PAFAH2: variants seen among roughly 807,000 people sequenced by gnomAD.
PAFAH2 encodes platelet activating factor acetylhydrolase 2.
PAFAH2 carries 42 observed loss-of-function variants against 49.0 expected under a neutral mutation model. The ratio of observed to expected loss-of-function variants is 0.86; its 90% confidence interval spans 0.67 to 1.11. The LOEUF (loss-of-function observed/expected upper bound fraction) is 1.11, where lower values mean the gene tolerates loss of function less well. PAFAH2 is among the 50% of genes least tolerant of loss of function. PAFAH2 has a pLI of 0.00. For synonymous variants in PAFAH2, 184 were observed against 181.3 expected (o/e 1.01, Z -0.12); for missense variants, 503 against 501.8 (o/e 1.00, Z -0.02).
At chr1:25,968,239 G>A (rs981834080) in intron 10 of PAFAH2, among the ~76,000 whole-genome samples, 1 of 152,120 alleles carries the variant, frequency 6.6e-6, no homozygotes, top group Admixed American at 6.5e-5. Flanking sequence ...GCAGACAGAA[G>A]AGGATGGAAT....
intron 2 of PAFAH2, among the ~76,000 whole-genome samples, chr1:25,990,468 G>A (rs1213844380): frequency 1.3e-5 from 2 of 152,164 alleles, no homozygotes; most frequent in Non-Finnish European, 2.9e-5. Flanking sequence ...GGATCTGCGA[G>A]CTGCCTCTAA....
intron 10 of PAFAH2, among the ~76,000 whole-genome samples, chr1:25,963,918 CAGAG>C (rs2049380988): frequency 6.6e-6 from 1 of 152,114 alleles, no homozygotes. Context: ...ATGTTCTAGA[CAGAG>C]GGAGGAGCAG....
chr1:25,978,647 C>T (rs1454165212), intron 7 of PAFAH2, among the ~76,000 whole-genome samples: 1 of 152,186 alleles, frequency 6.6e-6, no homozygotes, highest in Non-Finnish European at 1.5e-5. Context: ...TTGTCTCATA[C>T]AAATCTCTAT....
At chr1:25,972,529 T>C (rs1291626528) in intron 10 of PAFAH2, 29 bp downstream of exon 10, 2 of 1,603,780 alleles carry the variant, frequency 1.2e-6, no homozygotes, top group Non-Finnish European at 1.7e-6. Context: ...ACCCCACAGC[T>C]GCCCCAAGAG....
intron 7 of PAFAH2, 38 bp from the exon 8 acceptor site, chr1:25,976,811 A>G (rs903964547): frequency 6.6e-7 from 1 of 1,524,670 alleles, no homozygotes; most frequent in Non-Finnish European, 9.1e-7. Context: ...TCAGAAACTC[A>G]GGACTGCTTC....
At chr1:25,986,596 C>G (rs774555333) in intron 4 of PAFAH2, among the ~76,000 whole-genome samples, 1 of 152,144 alleles carries the variant, frequency 6.6e-6, no homozygotes, top group Non-Finnish European at 1.5e-5. Flanking sequence ...ATGGCACAAT[C>G]TTGGCTCACT....
chr1:25,975,476 A>C (rs1023329810), intron 8 of PAFAH2, among the ~76,000 whole-genome samples: 2 of 152,026 alleles, frequency 1.3e-5, no homozygotes, highest in Non-Finnish European at 2.9e-5. Flanking sequence ...CAGCTATTTG[A>C]GAGGTTGAGG....
intron 7 of PAFAH2, among the ~76,000 whole-genome samples, chr1:25,981,009 C>T (rs939946191): frequency 4.6e-5 from 7 of 151,882 alleles, no homozygotes; most frequent in African/African-American, 1.7e-4. Flanking sequence ...TAAATAAAAA[C>T]AAATAATAAA....
chr1:25,963,574 G>T (rs2049373831), intron 10 of PAFAH2, among the ~76,000 whole-genome samples: 1 of 152,164 alleles, frequency 6.6e-6, no homozygotes, highest in African/African-American at 2.4e-5. Flanking sequence ...GTCAATCTCG[G>T]CTCAACGCAA....
rs1174481040 is a variant in PAFAH2 at position 25,961,293 on chromosome 1, A to G, written c.*696T>C. 1 of 152,002 alleles carries G rather than the reference A, an allele frequency of 6.6e-6. No individual in the cohort carries two copies. Among genetic ancestry groups the G allele is most frequent in the East Asian group, 1.9e-4 (1 of 5,180 alleles). 9.4% of individuals were successfully genotyped at this position (152,002 alleles called of 1,614,324 possible). On this transcript the variant is annotated 3_prime_UTR_variant, in exon 11 of 11. Transcript: ENST00000374282. The stretch of plus-strand genomic sequence containing the variant: ...CAAGATACACTTAGCAAAACCCCCA[A>G]AGACATCCAGAGCTTCTGAGGTACC...
At position 25,960,681 on chromosome 1, in the gene PAFAH2, C is replaced by T. The variant is rs2049325973; in HGVS notation, c.*1308G>A. 6.6e-6 allele frequency: 1 copy of T among 152,566 alleles called. No homozygotes were observed. The highest frequency in any genetic ancestry group is 1.5e-5 in the Non-Finnish European group (1 of 68,024). 9.5% of individuals were successfully genotyped at this position (152,566 alleles called of 1,614,324 possible). A position where few individuals can be genotyped will look rare whatever the true frequency, so the allele number is the denominator to read the frequency against. ...AGCCAGAAAACAGACAATAAAAGCACCCTGATTCTGAGCAAGTTGGAGGTT... is the reference window on the plus strand; with the variant it reads ...AGCCAGAAAACAGACAATAAAAGCATCCTGATTCTGAGCAAGTTGGAGGTT... On this transcript the variant is annotated 3_prime_UTR_variant, in exon 11 of 11. Coordinates refer to ENST00000374282, the MANE Select transcript of PAFAH2 (RefSeq NM_000437.4).
intron 10 of PAFAH2, among the ~76,000 whole-genome samples, chr1:25,970,547 A>C (rs139482018): frequency 6.6e-6 from 1 of 152,220 alleles, no homozygotes; most frequent in Non-Finnish European, 1.5e-5. Flanking sequence ...GTCAGACCAC[A>C]TCTAATACAT....
intron 8 of PAFAH2, among the ~76,000 whole-genome samples, chr1:25,975,268 A>G (rs2049571929): frequency 6.6e-6 from 1 of 152,112 alleles, no homozygotes; most frequent in South Asian, 2.1e-4. Flanking sequence ...TTCCACTCAA[A>G]TAATAGATAC....
intron 10 of PAFAH2, chr1:25,964,407 A>C (rs1401581540): frequency 6.6e-6 from 1 of 152,212 alleles, no homozygotes; most frequent in Non-Finnish European, 1.5e-5. Flanking sequence ...GTGTACAAAA[A>C]TCAGTGGTGG....
At chr1:25,972,806 A>G in intron 9 of PAFAH2, 94 bp from the exon 10 acceptor site, 5 of 1,234,634 alleles carry the variant, frequency 4.0e-6, no homozygotes, top group African/African-American at 1.5e-5. Context: ...CTTTTCATGT[A>G]TTATCACACT....
chr1:25,995,480 C>T (rs531763670), intron 1 of PAFAH2, among the ~76,000 whole-genome samples: 2 of 152,304 alleles, frequency 1.3e-5, no homozygotes, highest in Non-Finnish European at 2.9e-5. Context: ...TGTTTCTGAT[C>T]AGCAAAGTTT....
chr1:25,964,354 T>C (rs1470311687), intron 10 of PAFAH2: 2 of 152,072 alleles, frequency 1.3e-5, no homozygotes, highest in Non-Finnish European at 2.9e-5. Flanking sequence ...AATAAATAAA[T>C]AAATAAAATG....
At chr1:25,992,695 T>A (rs2049892796) in intron 1 of PAFAH2, among the ~76,000 whole-genome samples, 1 of 152,228 alleles carries the variant, frequency 6.6e-6, no homozygotes, top group Non-Finnish European at 1.5e-5. Flanking sequence ...AATTCGATCA[T>A]GGACAATGTG....
intron 1 of PAFAH2, among the ~76,000 whole-genome samples, chr1:25,996,414 C>T (rs1431509142): frequency 1.3e-5 from 2 of 151,432 alleles, no homozygotes; most frequent in Non-Finnish European, 2.9e-5. Context: ...CCGAGGCGGG[C>T]GGATCAGGAG....
Sources: allele counts gnomAD v4.1 joint callset (sites outside exome capture counted in the v4.1 genomes callset), GRCh38; gene constraint gnomAD v4.1.1; transcripts MANE v1.5; gene names NCBI Gene and HGNC (gene_info 2026-07-23, HGNC 2026-07-21).